The following TFDP2 variants were observed in gnomAD, a reference collection of about 807,000 sequenced individuals.
TFDP2 encodes transcription factor Dp-2, also known as transcription factor Dp-2 (E2F dimerization partner 2).
A neutral mutation model predicts 59.3 loss-of-function variants in TFDP2; 17 were observed. The ratio of observed to expected loss-of-function variants is 0.29; its 90% CI spans 0.20 to 0.43. TFDP2 has a LOEUF of 0.43. TFDP2 is among the 20% of genes least tolerant of loss of function. The pLI, the probability that TFDP2 is intolerant of heterozygous loss-of-function variation, is 1.00. For missense variants in TFDP2, 391 were observed against 528.8 expected (o/e 0.74, Z 2.56); for synonymous variants, 180 against 194.7 (o/e 0.92, Z 0.63).
intron 10 of TFDP2, among the ~76,000 whole-genome samples, chr3:141,962,425 C>G (rs1937479941): frequency 6.6e-6 from 1 of 151,862 alleles, no homozygotes. Context: ...GTGGCACAAT[C>G]TCGGTTCACT....
chr3:142,060,175 GTTATC>G (rs1434377826), intron 3 of TFDP2, among the ~76,000 whole-genome samples: 1 of 152,000 alleles, frequency 6.6e-6, no homozygotes, highest in Non-Finnish European at 1.5e-5. Flanking sequence ...TCTATATGAG[GTTATC>G]TTGAGAGAAA....
intron 1 of TFDP2, among the ~76,000 whole-genome samples, chr3:142,110,175 C>T (rs1004163950): frequency 2.1e-4 from 32 of 152,032 alleles, no homozygotes; most frequent in African/African-American, 9.7e-5. Context: ...TGAGCCACCA[C>T]GCCCAGTCCA....
At chr3:141,993,770 T>G (rs540184278) in intron 5 of TFDP2, among the ~76,000 whole-genome samples, 185 bp from the exon 6 acceptor site, 1 of 152,324 alleles carries the variant, frequency 6.6e-6, no homozygotes, top group East Asian at 1.9e-4. Context: ...GTATCACAAC[T>G]TAATAATCAT....
At chr3:142,043,641 C>T (rs1947143322) in intron 3 of TFDP2, 3 of 897,090 alleles carry the variant, frequency 3.3e-6, no homozygotes, top group Admixed American at 1.7e-5. Context: ...TGGTCTCTTC[C>T]TCCTTAGACA....
chr3:141,960,398 C>T (rs1173475400), intron 10 of TFDP2, among the ~76,000 whole-genome samples: 3 of 152,176 alleles, frequency 2.0e-5, no homozygotes, highest in African/African-American at 7.2e-5. Context: ...AATACAAGCA[C>T]GTTTCCAAAT....
intron 3 of TFDP2, among the ~76,000 whole-genome samples, chr3:142,073,709 G>A (rs1305910436): frequency 6.6e-6 from 1 of 152,030 alleles, no homozygotes; most frequent in African/African-American, 2.4e-5. Context: ...TAATTCACTT[G>A]CAAACAATTC....
intron 3 of TFDP2, among the ~76,000 whole-genome samples, chr3:142,046,998 C>G (rs1364307025): frequency 2.0e-5 from 3 of 152,096 alleles, no homozygotes; most frequent in East Asian, 1.9e-4. Context: ...CTCTTGCCCC[C>G]CTTCAGCCTT....
rs1935887223 is a variant in TFDP2, at chr3:141,951,056, G to A, written c.*1457C>T. The A allele has an allele frequency of 6.6e-6, 1 of 152,164 alleles. No individual in the cohort carries two copies. Among genetic ancestry groups the A allele is most frequent in the African/African-American group, 2.4e-5 (1 of 41,450 alleles). The allele number at this position is 152,164 out of a possible 1,614,324, so 9.4% of individuals were successfully genotyped here. A position where few individuals can be genotyped will look rare whatever the true frequency, so the allele number is the denominator to read the frequency against. ...GTGAGGCTATAAAGAGGCACCACAG[G>A]AAGGAGCCTGCACTTCCCCCATGGG... On this transcript the variant is annotated 3_prime_UTR_variant, in exon 13 of 13. Coordinates refer to ENST00000489671, the MANE Select transcript of TFDP2 (RefSeq NM_001178139.2).
At chr3:142,080,588 G>T (rs2060605301) in intron 3 of TFDP2, among the ~76,000 whole-genome samples, 1 of 152,120 alleles carries the variant, frequency 6.6e-6, no homozygotes, top group Non-Finnish European at 1.5e-5. Context: ...CCAATGACTT[G>T]TTGCCCACAA....
intron 3 of TFDP2, among the ~76,000 whole-genome samples, chr3:142,006,315 A>G (rs779649173): frequency 2.0e-5 from 3 of 152,172 alleles, no homozygotes; most frequent in Non-Finnish European, 2.9e-5. Context: ...ATCAAAGGAG[A>G]TCATCCATGA....
chr3:142,025,951 C>T (rs768555332), intron 3 of TFDP2, among the ~76,000 whole-genome samples: 8 of 152,036 alleles, frequency 5.3e-5, no homozygotes, highest in Non-Finnish European at 8.8e-5. Context: ...GCAACAAGAG[C>T]GAAACTCCAT....
intron 6 of TFDP2, among the ~76,000 whole-genome samples, chr3:141,980,141 G>C (rs146399132): frequency 6.0e-5 from 9 of 151,010 alleles, no homozygotes; most frequent in Non-Finnish European, 8.8e-5. Flanking sequence ...CTGACCTCAA[G>C]TGATCCCTCC....
chr3:141,975,045 C>T (rs1393198076), intron 7 of TFDP2, among the ~76,000 whole-genome samples: 2 of 151,324 alleles, frequency 1.3e-5, no homozygotes, highest in African/African-American at 2.4e-5. Flanking sequence ...TCCCAAGTAG[C>T]TGGCACTATA....
intron 7 of TFDP2, among the ~76,000 whole-genome samples, chr3:141,978,315 A>T (rs1941017865): frequency 6.6e-6 from 1 of 151,558 alleles, no homozygotes; most frequent in Non-Finnish European, 1.5e-5. Flanking sequence ...ACTGAACTCC[A>T]GCCTGGGCGA....
At chr3:141,984,383 G>A (rs1366254311) in intron 6 of TFDP2, among the ~76,000 whole-genome samples, 1 of 152,132 alleles carries the variant, frequency 6.6e-6, no homozygotes, top group Admixed American at 6.5e-5. Flanking sequence ...TGTAGTCTCA[G>A]CTACTTGGGA....
At position 141,969,003 on chromosome 3, in the gene TFDP2, T is replaced by TATATATATAACATATATCTC. The variant is rs1559940925; in HGVS notation, c.732+1069_732+1070insGAGATATATGTTATATATAT. ...ATAGATATATATAACATATATCTCA[T>TATATATATAACATATATCTC]ATATATAGATATATATATAACATAT... On this transcript the variant is annotated intron_variant, in intron 9 of 12. Transcript: ENST00000489671. 3.4e-3 allele frequency among the ~76,000 whole-genome samples: 295 copies of TATATATATAACATATATCTC among 86,788 alleles called. 49 individuals carry two copies. The highest frequency in any genetic ancestry group is 8.1e-3 in the African/African-American group (142 of 17,486). 56.9% of individuals were successfully genotyped at this position (86,788 alleles called of 152,430 possible).
At chr3:142,139,760 T>C (rs1008561858) in intron 1 of TFDP2, among the ~76,000 whole-genome samples, 5 of 152,206 alleles carry the variant, frequency 3.3e-5, no homozygotes, top group African/African-American at 4.8e-5. Flanking sequence ...GGGCTTCCCT[T>C]TTTGGGTAAC....
chr3:142,000,044 A>G (rs1300502072), intron 4 of TFDP2, among the ~76,000 whole-genome samples: 4 of 152,196 alleles, frequency 2.6e-5, no homozygotes, highest in African/African-American at 9.6e-5. Flanking sequence ...CTAATCCAAG[A>G]ATTCTTTAAC....
intron 3 of TFDP2, among the ~76,000 whole-genome samples, chr3:142,014,521 G>T (rs1332215390): frequency 6.6e-6 from 1 of 152,094 alleles, no homozygotes; most frequent in African/African-American, 2.4e-5. Context: ...TAAAAGGGGT[G>T]ATTCTACTGT....
Sources: gnomAD v4.1 joint callset for allele counts (sites outside exome capture counted in the v4.1 genomes callset) on GRCh38, gnomAD v4.1.1 for gene constraint, MANE v1.5 for transcripts, NCBI Gene and HGNC (gene_info 2026-07-23, HGNC 2026-07-21) for gene names.